Variants in STPG1 observed in about 807,000 individuals in gnomAD.
STPG1 encodes the protein O(6)-methylguanine-induced apoptosis 2.
In STPG1, 33 loss-of-function variants were observed where a neutral mutation model predicts 40.1. The ratio of observed to expected loss-of-function variants is 0.82; its 90% CI spans 0.62 to 1.10. The LOEUF (loss-of-function observed/expected upper bound fraction) is 1.10, where lower values mean the gene tolerates loss of function less well. STPG1 is among the 50% of genes least tolerant of loss of function. The probability of loss-of-function intolerance (pLI) is 0.00; values close to 1 mark genes in which losing one functional copy is unlikely to be tolerated. For synonymous variants in STPG1, 150 were observed against 155.0 expected (o/e 0.97, Z 0.24); for missense variants, 396 against 415.1 (o/e 0.95, Z 0.40).
chr1:24,391,496 C>A lies in STPG1; in HGVS notation c.189+65G>T. 7 of 1,022,056 alleles carry A rather than the reference C, an allele frequency of 6.8e-6. No individual in the cohort carries two copies. In the South Asian group the frequency reaches 8.8e-5, roughly 13 times the overall value. 63.3% of individuals were successfully genotyped at this position (1,022,056 alleles called of 1,614,324 possible). On this transcript the variant is annotated intron_variant, in intron 3 of 8. Coordinates refer to ENST00000337248, the MANE Select transcript of STPG1 (RefSeq NM_001199013.2). ...AGAAAGACACAGCAGCCAGACAGAA[C>A]GTGCCTGTCCCGCAAGGCTAAAATC...
rs4648976 is a variant in STPG1 at position 24,359,245 on chromosome 1, T to C, written c.929-626A>G. ...CCCCTCGCAGAAGCCCACCTTGGCA[T>C]GGGTGATCAGAGCGGCAGGAGCTGC... On this transcript the variant is annotated intron_variant, in intron 8 of 8. Coordinates refer to ENST00000337248, the MANE Select transcript of STPG1 (RefSeq NM_001199013.2). This position sits in a 1 kb window ranked among gnomAD's most constrained non-coding sequence, Gnocchi z 5.3. Among the ~76,000 whole-genome samples, 36,877 of 152,202 alleles carry C rather than the reference T, an allele frequency of 0.24. 5,188 individuals are homozygous for C. Among genetic ancestry groups the C allele is most frequent in the East Asian group, 0.43 (2,236 of 5,148 alleles).
At chr1:24,374,071 G>A (rs1315628727) in intron 5 of STPG1, among the ~76,000 whole-genome samples, 1 of 152,022 alleles carries the variant, frequency 6.6e-6, no homozygotes, top group Non-Finnish European at 1.5e-5. Flanking sequence ...GCTGCAGGGT[G>A]GCTTCCAGGC....
At chr1:24,407,041 A>T (rs1418785310) in intron 1 of STPG1, among the ~76,000 whole-genome samples, 1 of 152,158 alleles carries the variant, frequency 6.6e-6, no homozygotes, top group Non-Finnish European at 1.5e-5. Context: ...TATTTCCTAC[A>T]ATATGGTGTT....
intron 5 of STPG1, among the ~76,000 whole-genome samples, chr1:24,378,762 G>A (rs1642147467): frequency 1.3e-5 from 2 of 152,164 alleles, no homozygotes; most frequent in Admixed American, 6.5e-5. Flanking sequence ...TTGGAAAATG[G>A]CATAACATTA....
chr1:24,365,870 T>C (rs1641423752), intron 7 of STPG1, among the ~76,000 whole-genome samples: 1 of 152,192 alleles, frequency 6.6e-6, no homozygotes, highest in Non-Finnish European at 1.5e-5. Flanking sequence ...TCCATGGTAC[T>C]GACTTTGGGG....
chr1:24,365,499 G>A lies in STPG1; in HGVS notation c.737+4175C>T, dbSNP rs562387663. The stretch of plus-strand genomic sequence containing the variant: ...CTTTGCTTCTGAAGACACCCTGGAA[G>A]CTGAGAAGTCCTCTTAGCTTTGAGT... On this transcript the variant is annotated intron_variant, in intron 7 of 8. Transcript: ENST00000337248. 3.0e-4 allele frequency among the ~76,000 whole-genome samples: 46 copies of A among 152,330 alleles called. No homozygotes were observed. The South Asian group carries it at 4.3e-3, about 14-fold the overall frequency.
intron 2 of STPG1, 142 bp downstream of exon 2, chr1:24,401,177 G>T (rs1427949239): frequency 3.2e-6 from 2 of 623,528 alleles, no homozygotes; most frequent in Non-Finnish European, 5.8e-6. Flanking sequence ...AAACAGTAGG[G>T]CCTAAAGCCA....
At chr1:24,362,070 G>A (rs1228871328) in intron 7 of STPG1, among the ~76,000 whole-genome samples, 6 of 152,280 alleles carry the variant, frequency 3.9e-5, no homozygotes, top group Admixed American at 6.5e-5. Context: ...GAGGTTCTCC[G>A]CACTGAATGG....
At chr1:24,369,572 C>G (rs1174440218) in intron 7 of STPG1, 102 bp downstream of exon 7, 2 of 1,292,546 alleles carry the variant, frequency 1.5e-6, no homozygotes, top group Non-Finnish European at 1.1e-6. Flanking sequence ...AGTGGCCCGG[C>G]ACTGTGCTCT....
At chr1:24,364,275 G>A in intron 7 of STPG1, 1 of 1,549,292 alleles carries the variant, frequency 6.5e-7, no homozygotes, top group South Asian at 1.2e-5. Flanking sequence ...TGAGGAACAT[G>A]GGTTTTGGAG....
chr1:24,393,092 C>T lies in STPG1; in HGVS notation c.71-1413G>A, dbSNP rs200485242. Among the ~76,000 whole-genome samples, 10 of 152,284 alleles carry T rather than the reference C, an allele frequency of 6.6e-5. No homozygotes were observed. The East Asian group carries it at 1.7e-3, about 26-fold the overall frequency. On this transcript the variant is annotated intron_variant, in intron 2 of 8. Transcript: ENST00000337248. Reference sequence around the variant, plus strand: ...GCTTAGAGGGATTAAGTTACTCATCCGAATCACCCAGCACTTAAGCGGAAC... The same window carrying T: ...GCTTAGAGGGATTAAGTTACTCATCTGAATCACCCAGCACTTAAGCGGAAC...
intron 6 of STPG1, among the ~76,000 whole-genome samples, chr1:24,371,228 A>G (rs754777404): frequency 1.3e-5 from 2 of 152,314 alleles, no homozygotes; most frequent in East Asian, 3.9e-4. Flanking sequence ...GTACTATCAT[A>G]TAAGAATATA....
chr1:24,407,502 C>T (rs577937565), intron 1 of STPG1, among the ~76,000 whole-genome samples: 126 of 148,042 alleles, frequency 8.5e-4, no homozygotes, highest in African/African-American at 2.7e-3. Context: ...ATTGCAGTGG[C>T]GCAATCTCGG....
chr1:24,401,360 C>T lies in STPG1; in HGVS notation c.29G>A (p.Arg10His), dbSNP rs1245180295. 5.0e-6 allele frequency: 8 copies of T among 1,613,956 alleles called. No homozygotes were observed. The highest frequency in any genetic ancestry group is 2.2e-5 in the South Asian group (2 of 91,068). Residue 10 changes from arginine (R) to histidine (H), a missense_variant, in exon 2 of 9, where the codon CGC (arginine) becomes CAC (histidine). Coordinates refer to ENST00000337248, the MANE Select transcript of STPG1 (RefSeq NM_001199013.2). The stretch of plus-strand genomic sequence containing the variant: ...GGCACGTCTGGGATGTTTGCCAGTG[C>T]GTTCATTTTTCTGTGCAGAGTTGTC... MDNSAQKNE[R>H]TGKHPRRASE... is the part of the protein sequence containing the mutation.
intron 2 of STPG1, among the ~76,000 whole-genome samples, chr1:24,397,828 A>G (rs1262449761): frequency 2.0e-5 from 3 of 152,108 alleles, no homozygotes; most frequent in Middle Eastern, 6.3e-3. Context: ...GTATAAAAAC[A>G]TGATGTTTAT....
At chr1:24,398,098 AAG>A (rs1553126480) in intron 2 of STPG1, among the ~76,000 whole-genome samples, 1 of 152,066 alleles carries the variant, frequency 6.6e-6, no homozygotes. Context: ...CAGCAATGGG[AAG>A]TCTTTTTAAT....
intron 3 of STPG1, among the ~76,000 whole-genome samples, chr1:24,390,647 G>A (rs1043662026): frequency 3.9e-5 from 6 of 152,162 alleles, no homozygotes; most frequent in African/African-American, 1.2e-4. Flanking sequence ...TCGAACTTGT[G>A]ACCTCAGGTG....
intron 5 of STPG1, among the ~76,000 whole-genome samples, chr1:24,376,824 C>T (rs993141806): frequency 1.3e-5 from 2 of 152,148 alleles, no homozygotes; most frequent in African/African-American, 4.8e-5. Context: ...ATGGCTAAGC[C>T]CCTTTCTGAT....
intron 5 of STPG1, among the ~76,000 whole-genome samples, chr1:24,379,070 C>T (rs570266280): frequency 5.3e-5 from 8 of 152,280 alleles, no homozygotes; most frequent in African/African-American, 1.9e-4. Context: ...CACCATTTTA[C>T]AGATCAGTAA....
Sources: allele counts gnomAD v4.1 joint callset (sites outside exome capture counted in the v4.1 genomes callset), GRCh38; gene constraint gnomAD v4.1.1; non-coding constraint Gnocchi (gnomAD v3.1); transcripts MANE v1.5; gene names NCBI Gene and HGNC (gene_info 2026-07-23, HGNC 2026-07-21).